The following OGG1 variants were observed in gnomAD, a reference collection of about 807,000 sequenced individuals.
OGG1 encodes the protein 8-oxoguanine DNA glycosylase.
A neutral mutation model predicts 42.3 loss-of-function variants in OGG1; 35 were observed. The observed-to-expected ratio is 0.83, with a 90% confidence interval of 0.63 to 1.10. The LOEUF is 1.10. Among genes scored for constraint, OGG1 ranks in the 50% least tolerant of loss-of-function variants. The probability of loss-of-function intolerance (pLI) is 0.00; values close to 1 mark genes in which losing one functional copy is unlikely to be tolerated. For missense variants in OGG1, 484 were observed against 446.7 expected (o/e 1.08, Z -0.75); for synonymous variants, 189 against 179.0 (o/e 1.06, Z -0.44).
At chr3:9,768,171 C>A (rs902952895), downstream of OGG1, among the ~76,000 whole-genome samples, 1 of 152,000 alleles carries the variant, frequency 6.6e-6, no homozygotes, top group African/African-American at 2.4e-5. Flanking sequence ...GTGATGTCCC[C>A]GCCCCACCCT....
At chr3:9,790,778 A>AACTG (rs1448176015), downstream of OGG1, among the ~76,000 whole-genome samples, 6 of 152,218 alleles carry the variant, frequency 3.9e-5, no homozygotes, top group Admixed American at 2.6e-4. Context: ...CAGATAGGGA[A>AACTG]ACTGACACTC....
chr3:9,756,538 G>A lies in OGG1; in HGVS notation c.815G>A (p.Trp272Ter). Residue 272 changes from tryptophan to a stop codon, truncating the protein, a stop_gained, in exon 5 of 7, where the codon TGG (tryptophan) becomes TAG (stop). Coordinates refer to ENST00000344629, the MANE Select transcript of OGG1 (RefSeq NM_002542.6). LOFTEE classifies it high-confidence loss of function. ...PQAVPVDVHM[W>*]HIAQRDYSWH... The stretch of plus-strand genomic sequence containing the variant: ...GCTGTGCCCGTGGATGTCCATATGT[G>A]GCACATTGCCCAACGTGACTACAGC... 2.5e-6 allele frequency: 4 copies of A among 1,614,160 alleles called. No individual in the cohort carries two copies. Among genetic ancestry groups the A allele is most frequent in the Non-Finnish European group, 3.4e-6 (4 of 1,180,038 alleles).
Position 9,751,776 on chromosome 3 carries a change from G to C in OGG1, c.392G>C (p.Arg131Pro). Residue 131 changes from arginine to proline, a missense_variant, in exon 3 of 7, where the codon CGA (arginine) becomes CCA (proline). By Grantham distance (103) the Arg-to-Pro change is moderately radical. Transcript: ENST00000344629. ...CTGCATTTCTGGTCTCCAGGTGTGC[G>C]ACTGCTGCGACAAGACCCCATCGAA... ...QEVAQKFQGV[R>P]LLRQDPIECL... 6.2e-7 allele frequency: 1 copy of C among 1,614,144 alleles called. No individual in the cohort carries two copies.
chr3:9,766,260 G>A (rs1284175394), exon 8 of OGG1: 2 of 706,426 alleles, frequency 2.8e-6, no homozygotes, highest in Non-Finnish European at 5.1e-6. Flanking sequence ...CCTGAGAAAT[G>A]GCCAAATATA....
chr3:9,787,415 CTATCT>C lies in OGG1; in HGVS notation c.383-309_383-305del, dbSNP rs753278460. The C allele has an allele frequency of 3.9e-6, 6 of 1,525,864 alleles. No homozygotes were observed. In the South Asian group the frequency reaches 6.6e-5, roughly 17 times the overall value. 94.5% of individuals were successfully genotyped at this position (1,525,864 alleles called of 1,614,324 possible). ...ATGCTTCATTCATTCATTCACTTAC[CTATCT>C]TATATCTCTCTCAAGTCCCTAGTCC... On this transcript the variant is annotated intron_variant, in intron 3 of 3. Transcript: ENST00000426518.
intron 3 of OGG1, among the ~76,000 whole-genome samples, chr3:9,754,095 G>A (rs556772856): frequency 1.7e-4 from 26 of 152,316 alleles, no homozygotes; most frequent in South Asian, 1.2e-3. Context: ...AACTGAGATT[G>A]TGCCACTGCA....
downstream of OGG1, chr3:9,757,938 T>C: frequency 6.6e-7 from 1 of 1,508,742 alleles, no homozygotes. This position sits in a 1 kb window ranked among gnomAD's most constrained non-coding sequence, Gnocchi z 4.5. Context: ...CTTGCAATTG[T>C]TCTGTTATTT....
intron 3 of OGG1, among the ~76,000 whole-genome samples, chr3:9,752,689 A>G (rs2077361422): frequency 6.6e-6 from 1 of 152,228 alleles, no homozygotes; most frequent in South Asian, 2.1e-4. Context: ...AAGCTAGGAC[A>G]AGTGCTTGGG....
downstream of OGG1, chr3:9,757,932 C>G (rs762871198): frequency 5.0e-5 from 76 of 1,514,428 alleles, no homozygotes; most frequent in Middle Eastern, 6.2e-4. The surrounding 1 kb of genome is among the most constrained non-coding windows in gnomAD (Gnocchi z 4.5). Flanking sequence ...GGGATTCTTG[C>G]AATTGTTCTG....
In OGG1 at chr3:9,756,972, G is replaced by T. The variant is rs577461458; in HGVS notation, c.949-89G>T. 5.5e-5 allele frequency: 88 copies of T among 1,612,124 alleles called. No homozygotes were observed. In the East Asian group the frequency reaches 1.9e-3, roughly 34 times the overall value. The stretch of plus-strand genomic sequence containing the variant: ...ATTGCCTTCGGCCCTGTTCCCCAAG[G>T]ACTCTTCCACCTCCCAACACTGTCA... On this transcript the variant is annotated intron_variant, in intron 6 of 6. Transcript: ENST00000344629.
At chr3:9,756,332 G>T in intron 4 of OGG1, 139 bp from the exon 5 acceptor site, 1 of 827,104 alleles carries the variant, frequency 1.2e-6, no homozygotes, top group Non-Finnish European at 2.0e-6. Context: ...TGTATTCATA[G>T]ATAGTATCTG....
At chr3:9,752,198 G>A in intron 3 of OGG1, 2 of 558,398 alleles carry the variant, frequency 3.6e-6, no homozygotes, top group Middle Eastern at 4.9e-4. Flanking sequence ...TGTATACAAT[G>A]TACAGTAGTT....
intron 7 of OGG1, among the ~76,000 whole-genome samples, chr3:9,765,443 C>G (rs989783469): frequency 1.3e-5 from 2 of 152,000 alleles, no homozygotes; most frequent in African/African-American, 4.8e-5. Context: ...TGAGGTAGGT[C>G]CAGAGACAAC....
chr3:9,764,920 C>A (rs567007196), intron 7 of OGG1, among the ~76,000 whole-genome samples: 1 of 152,174 alleles, frequency 6.6e-6, no homozygotes, highest in South Asian at 2.1e-4. Flanking sequence ...AATCCCTGTC[C>A]TCTCTGGGTC....
rs1421094683 is a variant in OGG1, at chr3:9,757,059, A to T, written c.949-2A>T. ...CCCCACACAGACTCCACCCTCCTAC[A>T]GGTGCTGTTCAGTGCCGACCTGCGC... is the stretch of plus-strand genomic sequence containing the variant. On this transcript the variant is annotated splice_acceptor_variant, in intron 6 of 6. Transcript: ENST00000344629. LOFTEE classifies it high-confidence loss of function. This position sits in a 1 kb window ranked among gnomAD's most constrained non-coding sequence, Gnocchi z 4.5. 3 of 1,614,014 alleles carry T rather than the reference A, an allele frequency of 1.9e-6. No individual in the cohort carries two copies. In the Admixed American group the frequency reaches 5.0e-5, roughly 27 times the overall value.
chr3:9,775,485 A>G (rs1024023590), intron 2 of OGG1, among the ~76,000 whole-genome samples: 2 of 152,106 alleles, frequency 1.3e-5, no homozygotes, highest in Non-Finnish European at 2.9e-5. Flanking sequence ...ACTCCCTCTC[A>G]TTAGTCCAGC....
At chr3:9,775,113 G>A (rs753237564) in intron 2 of OGG1, among the ~76,000 whole-genome samples, 4 of 152,070 alleles carry the variant, frequency 2.6e-5, no homozygotes, top group Non-Finnish European at 4.4e-5. Flanking sequence ...GGTGGCACAC[G>A]CCTGTAACCC....
intron 2 of OGG1, among the ~76,000 whole-genome samples, chr3:9,775,018 G>C (rs1342601952): frequency 6.6e-6 from 1 of 151,178 alleles, no homozygotes; most frequent in South Asian, 2.1e-4. Context: ...GGGAGGCCGA[G>C]GCAGGAGGAT....
chr3:9,754,673 T>C (rs1429715669), intron 3 of OGG1, 31 bp from the exon 4 acceptor site: 2 of 1,611,256 alleles, frequency 1.2e-6, no homozygotes, highest in Non-Finnish European at 8.5e-7. Flanking sequence ...TGAAGATGCC[T>C]GATGCTTGCC....
Sources: allele counts gnomAD v4.1 joint callset (sites outside exome capture counted in the v4.1 genomes callset), GRCh38; gene constraint gnomAD v4.1.1; non-coding constraint Gnocchi (gnomAD v3.1); transcripts MANE v1.5; gene names NCBI Gene and HGNC (gene_info 2026-07-23, HGNC 2026-07-21).